The following LSMEM1 variants were observed in gnomAD, a reference collection of about 807,000 sequenced individuals.
The protein encoded by LSMEM1 is leucine-rich single-pass membrane protein 1.
A neutral mutation model predicts 11.3 loss-of-function variants in LSMEM1; 10 were observed. The ratio of observed to expected loss-of-function variants is 0.89; its 90% CI spans 0.55 to 1.50. LSMEM1 has a LOEUF of 1.50. Among genes scored for constraint, LSMEM1 ranks in the 40% most tolerant of loss-of-function variants. LSMEM1 has a pLI of 0.00. For missense variants in LSMEM1, 151 were observed against 152.9 expected (o/e 0.99, Z 0.06); for synonymous variants, 65 against 59.3 (o/e 1.10, Z -0.44).
intron 2 of LSMEM1, among the ~76,000 whole-genome samples, chr7:112,485,472 T>C (rs1293594255): frequency 1.3e-5 from 2 of 152,206 alleles, no homozygotes; most frequent in Non-Finnish European, 2.9e-5. Context: ...AAATGAGCTT[T>C]ATCAGATCAC....
intron 3 of LSMEM1, among the ~76,000 whole-genome samples, chr7:112,488,406 G>A (rs932466067): frequency 1.3e-5 from 2 of 152,144 alleles, no homozygotes; most frequent in East Asian, 1.9e-4. Context: ...GAAATTTTAG[G>A]TATGTCTACA....
intron 1 of LSMEM1, chr7:112,483,328 A>G (rs964813831): frequency 2.0e-5 from 3 of 152,176 alleles, no homozygotes; most frequent in Admixed American, 6.6e-5. Context: ...TTTATCCTCA[A>G]TCTTATTTCT....
chr7:112,483,182 C>A (rs1012604949), intron 1 of LSMEM1, among the ~76,000 whole-genome samples: 3 of 147,806 alleles, frequency 2.0e-5, no homozygotes, highest in East Asian at 2.0e-4. Flanking sequence ...CTCTATATTG[C>A]TCTTCATTCT....
At chr7:112,485,235 C>A (rs1221883646) in intron 2 of LSMEM1, among the ~76,000 whole-genome samples, 2 of 152,152 alleles carry the variant, frequency 1.3e-5, no homozygotes, top group Non-Finnish European at 2.9e-5. Flanking sequence ...AGCTGGACTC[C>A]TGGAGGCTGG....
At chr7:112,483,909 A>G (rs1379535189) in intron 1 of LSMEM1, among the ~76,000 whole-genome samples, 3 of 152,194 alleles carry the variant, frequency 2.0e-5, no homozygotes, top group Non-Finnish European at 4.4e-5. Context: ...TAGTAATTGA[A>G]ATTTGTCTTT....
intron 1 of LSMEM1, among the ~76,000 whole-genome samples, chr7:112,482,540 AC>A: frequency 6.6e-6 from 1 of 152,368 alleles, no homozygotes; most frequent in African/African-American, 2.4e-5. Flanking sequence ...TGTGTGCAGA[AC>A]AGTGGTCCTG....
upstream of LSMEM1, chr7:112,480,796 T>A: frequency 2.2e-6 from 1 of 456,244 alleles, no homozygotes; most frequent in East Asian, 6.9e-5. Flanking sequence ...ATCATCCTTG[T>A]TATGATGTCA....
upstream of LSMEM1, among the ~76,000 whole-genome samples, chr7:112,480,491 A>AACCT (rs1473773076): frequency 4.6e-5 from 7 of 152,248 alleles, no homozygotes; most frequent in Admixed American, 4.6e-4. Context: ...AGTTGTTCAC[A>AACCT]ACCTCACTGT....
chr7:112,483,324 C>G (rs545278822), intron 1 of LSMEM1: 2 of 152,188 alleles, frequency 1.3e-5, no homozygotes, highest in East Asian at 3.9e-4. Context: ...GATTTTTATC[C>G]TCAATCTTAT....
At chr7:112,489,179 G>T (rs1019508953) in intron 3 of LSMEM1, among the ~76,000 whole-genome samples, 7 of 152,122 alleles carry the variant, frequency 4.6e-5, no homozygotes, top group African/African-American at 1.7e-4. Flanking sequence ...CTGGATAATT[G>T]CTCTGTGTTA....
chr7:112,484,577 G>A (rs1192480403), intron 1 of LSMEM1, among the ~76,000 whole-genome samples: 2 of 152,188 alleles, frequency 1.3e-5, no homozygotes, highest in Non-Finnish European at 2.9e-5. Context: ...TTAAAATTGG[G>A]CCACACATTT....
intron 3 of LSMEM1, 74 bp from the exon 4 acceptor site, chr7:112,489,736 A>C: frequency 6.6e-7 from 1 of 1,521,252 alleles, no homozygotes; most frequent in Non-Finnish European, 8.9e-7. Context: ...GCTGAGCACC[A>C]ACATGGGGAT....
intron 3 of LSMEM1, 78 bp downstream of exon 3, chr7:112,487,129 T>C (rs1796148668): frequency 6.6e-7 from 1 of 1,522,980 alleles, no homozygotes; most frequent in East Asian, 2.3e-5. Flanking sequence ...CCCACAAAGT[T>C]TGCACCCTCC....
rs375116717 is a variant in LSMEM1 at position 112,489,933 on chromosome 7, A to C, written c.380A>C (p.Asp127Ala). The C allele has an allele frequency of 2.5e-6, 4 of 1,613,068 alleles. No individual in the cohort carries two copies. In the African/African-American group the frequency reaches 4.0e-5, roughly 16 times the overall value. Residue 127 changes from aspartate (D) to alanine (A), a missense_variant, in exon 4 of 4, where the codon GAC (aspartate) becomes GCC (alanine). By Grantham distance (126) the Asp-to-Ala change is moderately radical. Coordinates refer to ENST00000312849, the MANE Select transcript of LSMEM1 (RefSeq NM_182597.3). ...CGACTCAACCAACTCAACCAACTGG[A>C]CTCTGAACAAAACTAAAGGAATGAT... ...VKRLNQLNQL[D>A]SEQN
In LSMEM1 at chr7:112,489,999, C is replaced by T; in HGVS notation, c.*50C>T. ...GCTAACACCTTGAGCTTTTTACTTT[C>T]CTGGGAGTGTACAGGGTTAGGAACT... is the stretch of plus-strand genomic sequence containing the variant. On this transcript the variant is annotated 3_prime_UTR_variant, in exon 4 of 4. Transcript: ENST00000312849. 1.9e-6 allele frequency: 3 copies of T among 1,580,918 alleles called. No homozygotes were observed. In the East Asian group the frequency reaches 6.7e-5, roughly 35 times the overall value.
rs751836961 is a variant in LSMEM1 at position 112,484,899 on chromosome 7, TAAAC to T, written c.88_91del (p.Lys30Ter). On this transcript the variant is annotated frameshift_variant, in exon 2 of 4. Transcript: ENST00000312849. LOFTEE classifies it high-confidence loss of function. The stretch of plus-strand genomic sequence containing the variant: ...TATGTGGTGGATTCCATAAATGACT[TAAAC>T]AAACTAAACCTCTGTCCAGCCGGAT... 6.2e-7 allele frequency: 1 copy of T among 1,613,698 alleles called. No individual in the cohort carries two copies. The highest frequency in any genetic ancestry group is 1.1e-5 in the South Asian group (1 of 91,066).
intron 3 of LSMEM1, among the ~76,000 whole-genome samples, chr7:112,487,945 G>A (rs529127989): frequency 6.6e-6 from 1 of 152,336 alleles, no homozygotes; most frequent in South Asian, 2.1e-4. Context: ...TGTAGCCTTT[G>A]GAAGGGCTCT....
At chr7:112,481,760 T>C (rs565588677) in intron 1 of LSMEM1, among the ~76,000 whole-genome samples, 1 of 152,358 alleles carries the variant, frequency 6.6e-6, no homozygotes, top group Admixed American at 6.5e-5. Context: ...AAATCAACTG[T>C]TAGCAGTGAT....
rs1584512639 is a variant in LSMEM1 at position 112,483,177 on chromosome 7, T to C, written c.-5-1635T>C. 2.0e-5 allele frequency among the ~76,000 whole-genome samples: 3 copies of C among 151,992 alleles called. No homozygotes were observed. In the East Asian group the frequency reaches 5.8e-4, roughly 29 times the overall value. ...ATGAATTTGGTTTCTCCCAACTCTA[T>C]ATTGCTCTTCATTCTGTAGATGAGT... On this transcript the variant is annotated intron_variant, in intron 1 of 3. Coordinates refer to ENST00000312849, the MANE Select transcript of LSMEM1 (RefSeq NM_182597.3).
Sources: gnomAD v4.1 joint callset for allele counts (sites outside exome capture counted in the v4.1 genomes callset) on GRCh38, gnomAD v4.1.1 for gene constraint, MANE v1.5 for transcripts, NCBI Gene and HGNC (gene_info 2026-07-23, HGNC 2026-07-21) for gene names.